COL6A3: variants seen among roughly 807,000 people sequenced by gnomAD.
COL6A3 encodes collagen alpha-3(VI) chain.
In COL6A3, 137 loss-of-function variants were observed where a neutral mutation model predicts 274.1. The observed-to-expected ratio is 0.50, with a 90% CI of 0.44 to 0.58. The LOEUF is 0.58. Ranked by LOEUF, COL6A3 falls within the 20% of genes least tolerant of loss-of-function variation. The probability of loss-of-function intolerance (pLI) is 0.00; values close to 1 mark genes in which losing one functional copy is unlikely to be tolerated. For missense variants in COL6A3, 3,950 were observed against 4,124.9 expected (o/e 0.96, Z 1.16); for synonymous variants, 1,650 against 1,650.6 (o/e 1.00, Z 0.01).
intron 43 of COL6A3, 119 bp downstream of exon 43, chr2:237,325,441 C>G: frequency 8.7e-7 from 1 of 1,150,538 alleles, no homozygotes; most frequent in African/African-American, 1.5e-5. Flanking sequence ...TCTGAGGATA[C>G]ACTTTATCTT....
intron 11 of COL6A3, 56 bp from the exon 12 acceptor site, chr2:237,366,091 CTACTT>C: frequency 6.7e-7 from 1 of 1,496,394 alleles, no homozygotes; most frequent in Non-Finnish European, 9.3e-7. Context: ...GAGACGAACT[CTACTT>C]ATACCAGCAG....
intron 1 of COL6A3, among the ~76,000 whole-genome samples, chr2:237,412,015 C>G (rs2078868712): frequency 6.6e-6 from 1 of 152,212 alleles, no homozygotes; most frequent in South Asian, 2.1e-4. Context: ...CCCAAGCCCT[C>G]TGCTCCACTC....
chr2:237,399,487 T>C (rs997503021), intron 1 of COL6A3, among the ~76,000 whole-genome samples: 5 of 152,180 alleles, frequency 3.3e-5, no homozygotes, highest in African/African-American at 1.2e-4. Flanking sequence ...CATCAGCATT[T>C]CCCAAAGCAC....
chr2:237,334,604 C>T, intron 41 of COL6A3, 22 bp downstream of exon 41: 1 of 1,612,494 alleles, frequency 6.2e-7, no homozygotes, highest in African/African-American at 1.3e-5. Context: ...CAGGTACCGA[C>T]TTGTACTGAT....
intron 24 of COL6A3, among the ~76,000 whole-genome samples, chr2:237,354,617 G>A (rs1157102223): frequency 6.6e-6 from 1 of 152,000 alleles, no homozygotes; most frequent in African/African-American, 2.4e-5. Flanking sequence ...CACCTTTCTG[G>A]ACCGAACCAA....
chr2:237,343,221 G>A lies in COL6A3; in HGVS notation c.7669-1060C>T, dbSNP rs2077024973. The A allele has an allele frequency of 2.0e-5, 3 of 152,170 alleles. No homozygotes were observed. In the South Asian group the frequency reaches 6.2e-4, roughly 32 times the overall value. 9.4% of individuals were successfully genotyped at this position (152,170 alleles called of 1,614,324 possible). On this transcript the variant is annotated intron_variant, in intron 36 of 43. Coordinates refer to ENST00000295550, the MANE Select transcript of COL6A3 (RefSeq NM_004369.4). ...TGTAAGAATTAAACTAGTTGTCTGG[G>A]TGCGGTGGCTTACGCCTGTAACCCC...
At position 237,359,092 on chromosome 2, in the gene COL6A3, C is replaced by A. The variant is rs755204422; in HGVS notation, c.6355-4G>T. ...AACCAGGCAATCCTTTGTCTCCCTGCCAAAGACAAGGATTAAAGGTCACAC... is the reference window on the plus strand; with the variant it reads ...AACCAGGCAATCCTTTGTCTCCCTGACAAAGACAAGGATTAAAGGTCACAC... On this transcript the variant is annotated splice_region_variant and splice_polypyrimidine_tract_variant and intron_variant, in intron 19 of 43. Coordinates refer to ENST00000295550, the MANE Select transcript of COL6A3 (RefSeq NM_004369.4). The A allele has an allele frequency of 7.0e-5, 113 of 1,613,940 alleles. No individual in the cohort carries two copies. Among genetic ancestry groups the A allele is most frequent in the Non-Finnish European group, 9.3e-5 (110 of 1,179,938 alleles).
chr2:237,409,056 A>G (rs1398886273), intron 1 of COL6A3, among the ~76,000 whole-genome samples: 1 of 152,178 alleles, frequency 6.6e-6, no homozygotes, highest in Non-Finnish European at 1.5e-5. Context: ...AGATGTCTGC[A>G]TATTGGAAAC....
At position 237,344,701 on chromosome 2, in the gene COL6A3, G is replaced by A. The variant is rs2106325098; in HGVS notation, c.7317C>T (p.Cys2439=). The change falls in exon 36 of 44, where the codon TGC becomes TGT. Residue 2439 remains cysteine, a synonymous_variant. Coordinates refer to ENST00000295550, the MANE Select transcript of COL6A3 (RefSeq NM_004369.4). The surrounding 1 kb of genome is among the most constrained non-coding windows in gnomAD (Gnocchi z 4.8). ...VNDLTIAESN[C]PRGARVAVVT... is the part of the protein sequence containing the mutation. ...CCACAGCCACCCGGGCCCCCCGTGG[G>A]CAGTTGCTCTCAGCAATGGTCAGGT... 6.2e-7 allele frequency: 1 copy of A among 1,608,854 alleles called. No homozygotes were observed. The highest frequency in any genetic ancestry group is 8.5e-7 in the Non-Finnish European group (1 of 1,177,026).
chr2:237,381,639 A>G (rs2078009432), intron 4 of COL6A3, 140 bp from the exon 5 acceptor site: 2 of 739,526 alleles, frequency 2.7e-6, no homozygotes, highest in Admixed American at 4.2e-5. Flanking sequence ...CCCAAAGGGA[A>G]TTTGTCCTAA....
chr2:237,337,542 C>A (rs540129671), intron 39 of COL6A3, among the ~76,000 whole-genome samples: 1 of 152,272 alleles, frequency 6.6e-6, no homozygotes, highest in Non-Finnish European at 1.5e-5. Context: ...GCTCTCTTTC[C>A]CCATCTTGAG....
Position 237,341,123 on chromosome 2 carries a change from C to T in COL6A3, c.7793G>A (p.Gly2598Glu). The change falls in exon 38 of 44, where the codon GGA (glycine) becomes GAA (glutamate). Residue 2598 changes from glycine (G) to glutamate (E), a missense_variant. Physicochemically the swap from Gly to Glu is moderately conservative, Grantham distance 98 (BLOSUM62 -2). Coordinates refer to ENST00000295550, the MANE Select transcript of COL6A3 (RefSeq NM_004369.4). ...LDICNIDPSC[G>E]FGSWRPSFRD... ...GAAGGAAGGCCTCCAACTGCCAAAT[C>T]CACAGGATGGGTCGATGTTGCAGAT... 1.9e-6 allele frequency: 3 copies of T among 1,614,154 alleles called. No homozygotes were observed. Among genetic ancestry groups the T allele is most frequent in the East Asian group, 4.5e-5 (2 of 44,876 alleles).
chr2:237,395,432 G>C (rs1055505034), intron 2 of COL6A3, among the ~76,000 whole-genome samples: 3 of 152,176 alleles, frequency 2.0e-5, no homozygotes, highest in Non-Finnish European at 4.4e-5. Flanking sequence ...CATACTCAGA[G>C]ACCATCATGA....
intron 1 of COL6A3, among the ~76,000 whole-genome samples, chr2:237,398,579 T>G (rs1334306784): frequency 1.3e-5 from 2 of 152,180 alleles, no homozygotes; most frequent in African/African-American, 4.8e-5. Flanking sequence ...GGATTCTGGT[T>G]TCCTTTAACT....
chr2:237,330,662 A>C (rs1253276903), intron 42 of COL6A3, among the ~76,000 whole-genome samples: 2 of 152,160 alleles, frequency 1.3e-5, no homozygotes, highest in African/African-American at 4.8e-5. Context: ...CACATACCAA[A>C]CAGGGCCAGA....
Position 237,381,480 on chromosome 2 carries a change from T to C in COL6A3, c.1332A>G (p.Arg444=), listed in dbSNP as rs1209235194. The part of the protein sequence containing the change: ...IVTQVIEVNK[R]DIVFLVDGSS... Reference sequence around the variant, plus strand: ...AGCCATCCACCAGGAAGACTATGTCTCTCTTGTTGACTTCAATGACTGTAG... The same window carrying C: ...AGCCATCCACCAGGAAGACTATGTCCCTCTTGTTGACTTCAATGACTGTAG... Residue 444 remains arginine, a synonymous_variant, in exon 5 of 44, where the codon AGA becomes AGG. Coordinates refer to ENST00000295550, the MANE Select transcript of COL6A3 (RefSeq NM_004369.4). The C allele has an allele frequency of 6.2e-7, 1 of 1,603,980 alleles. No homozygotes were observed. Among genetic ancestry groups the C allele is most frequent in the Non-Finnish European group, 8.5e-7 (1 of 1,179,950 alleles).
rs1700450818 is a variant in COL6A3 at position 237,334,845 on chromosome 2, T to C, written c.9010A>G (p.Ser3004Gly). The C allele has an allele frequency of 6.2e-7, 1 of 1,614,080 alleles. No individual in the cohort carries two copies. Among genetic ancestry groups the C allele is most frequent in the Non-Finnish European group, 8.5e-7 (1 of 1,180,036 alleles). Residue 3004 changes from serine to glycine, a missense_variant, in exon 41 of 44, where the codon AGC (serine) becomes GGC (glycine). Physicochemically the swap from Ser to Gly is moderately conservative, Grantham distance 56. Coordinates refer to ENST00000295550, the MANE Select transcript of COL6A3 (RefSeq NM_004369.4). ...GCCCTCTCCCAGTGGAGTTTGGCGCTGTTCTCTGTTATCTCAAACACCTGG... is the reference window on the plus strand; with the variant it reads ...GCCCTCTCCCAGTGGAGTTTGGCGCCGTTCTCTGTTATCTCAAACACCTGG... ...EVQVFEITEN[S>G]AKLHWERAEP...
At position 237,359,377 on chromosome 2, in the gene COL6A3, T is replaced by A. The variant is rs773663940; in HGVS notation, c.6294A>T (p.Gly2098=). ...GCTTGCATACCTTCTCTCCTGGGAA[T>A]CCCCGAGAGCCCTAGAAGGCAAGGC... The part of the protein sequence containing the change: ...PGQRGVKGSR[G]FPGEKGEVGE... The change falls in exon 18 of 44, where the codon GGA becomes GGT. Residue 2098 remains glycine, a synonymous_variant. Coordinates refer to ENST00000295550, the MANE Select transcript of COL6A3 (RefSeq NM_004369.4). The A allele has an allele frequency of 6.2e-7, 1 of 1,613,852 alleles. No individual in the cohort carries two copies. Among genetic ancestry groups the A allele is most frequent in the Middle Eastern group, 1.7e-4 (1 of 6,058 alleles).
chr2:237,355,365 C>T (rs1553551933), intron 23 of COL6A3: 1 of 165,652 alleles, frequency 6.0e-6, no homozygotes, highest in Non-Finnish European at 1.3e-5. Flanking sequence ...GAAGGGAGTC[C>T]CAGGTTCTCC....
Sources: allele counts gnomAD v4.1 joint callset (sites outside exome capture counted in the v4.1 genomes callset), GRCh38; gene constraint gnomAD v4.1.1; non-coding constraint Gnocchi (gnomAD v3.1); transcripts MANE v1.5; gene names NCBI Gene and HGNC (gene_info 2026-07-23, HGNC 2026-07-21).